Variants in TTC28 observed in about 807,000 individuals in gnomAD.
TTC28 encodes the protein tetratricopeptide repeat protein 28.
In TTC28, 61 loss-of-function variants were observed where a neutral mutation model predicts 198.0. That is an observed-to-expected ratio of 0.31 (90% confidence interval 0.25 to 0.38). The LOEUF (loss-of-function observed/expected upper bound fraction) is 0.38, where lower values mean the gene tolerates loss of function less well. Among genes scored for constraint, TTC28 ranks in the 10% least tolerant of loss-of-function variants. TTC28 has a pLI of 1.00. For missense variants in TTC28, 2,678 were observed against 3,164.0 expected, an observed-to-expected ratio of 0.85 and a Z score of 3.69; for synonymous variants, 1,171 against 1,297.8, an observed-to-expected ratio of 0.90 and a Z score of 2.10.
intron 2 of TTC28, among the ~76,000 whole-genome samples, chr22:28,353,558 C>G (rs546642747): frequency 2.0e-5 from 3 of 152,074 alleles, no homozygotes; most frequent in African/African-American, 7.2e-5. Context: ...GTCGACTGAT[C>G]GCTAAATTTT....
At chr22:28,051,145 G>T (rs568534468) in intron 12 of TTC28, among the ~76,000 whole-genome samples, 1 of 152,246 alleles carries the variant, frequency 6.6e-6, no homozygotes, top group South Asian at 2.1e-4. Context: ...TTAAAAGCTA[G>T]AAGTGACTTT....
intron 2 of TTC28, among the ~76,000 whole-genome samples, chr22:28,368,287 C>T (rs552109336): frequency 3.7e-4 from 56 of 151,756 alleles, no homozygotes; most frequent in Non-Finnish European, 5.0e-4. Context: ...GGAATGAAGG[C>T]CAAAATACAT....
At chr22:28,258,963 T>A (rs1931140992) in intron 5 of TTC28, among the ~76,000 whole-genome samples, 1 of 151,770 alleles carries the variant, frequency 6.6e-6, no homozygotes, top group Admixed American at 6.6e-5. Context: ...ACCCTGAGTA[T>A]ATATTCCAAA....
intron 12 of TTC28, among the ~76,000 whole-genome samples, chr22:28,082,494 A>T (rs1165755580): frequency 6.6e-6 from 1 of 152,198 alleles, no homozygotes; most frequent in African/African-American, 2.4e-5. Context: ...TTTCTGCATC[A>T]ACTCAAATGA....
At chr22:28,388,848 A>C (rs1252652125) in intron 2 of TTC28, among the ~76,000 whole-genome samples, 1 of 152,112 alleles carries the variant, frequency 6.6e-6, no homozygotes, top group African/African-American at 2.4e-5. Context: ...TCTCCTGCCT[A>C]ATTGCCCTGG....
intron 2 of TTC28, among the ~76,000 whole-genome samples, chr22:28,344,944 A>G (rs1291247833): frequency 6.6e-6 from 1 of 152,164 alleles, no homozygotes; most frequent in African/African-American, 2.4e-5. Context: ...AAGAATTACA[A>G]TTCATTATTT....
At chr22:28,368,002 C>T (rs950879172) in intron 2 of TTC28, among the ~76,000 whole-genome samples, 1 of 151,956 alleles carries the variant, frequency 6.6e-6, no homozygotes, top group African/African-American at 2.4e-5. Context: ...AGAACTAATA[C>T]CAAATCAAAC....
chr22:28,573,900 G>C (rs2050101738), intron 2 of TTC28, among the ~76,000 whole-genome samples: 3 of 151,626 alleles, frequency 2.0e-5, no homozygotes, highest in South Asian at 4.2e-4. Context: ...ATCTCTGTGA[G>C]TTCAATTGTT....
chr22:28,406,443 A>C (rs2046999128), intron 2 of TTC28, among the ~76,000 whole-genome samples: 3 of 152,212 alleles, frequency 2.0e-5, no homozygotes, highest in Admixed American at 2.0e-4. Flanking sequence ...TCAGGCTGAA[A>C]TCTATGCTTG....
chr22:28,642,399 G>A (rs547267396), intron 1 of TTC28, among the ~76,000 whole-genome samples: 1 of 147,236 alleles, frequency 6.8e-6, no homozygotes, highest in South Asian at 2.1e-4. Flanking sequence ...TAAACCCTGT[G>A]AATAGATAAT....
At chr22:28,280,657 C>A (rs772173856) in intron 5 of TTC28, among the ~76,000 whole-genome samples, 36 of 152,094 alleles carry the variant, frequency 2.4e-4, no homozygotes, top group Non-Finnish European at 2.5e-4. Context: ...TTTATATTTA[C>A]CAACATATTT....
intron 2 of TTC28, among the ~76,000 whole-genome samples, chr22:28,508,959 G>A (rs1466328884): frequency 6.6e-6 from 1 of 152,042 alleles, no homozygotes; most frequent in South Asian, 2.1e-4. Flanking sequence ...TGGGAGGCCA[G>A]GTGGGCAGAT....
chr22:28,333,856 T>A (rs1269674911), intron 2 of TTC28, among the ~76,000 whole-genome samples: 1 of 152,172 alleles, frequency 6.6e-6, no homozygotes, highest in East Asian at 1.9e-4. Context: ...CTTTATTTTT[T>A]ATTTTTTATT....
intron 5 of TTC28, among the ~76,000 whole-genome samples, chr22:28,177,763 A>G (rs545151583): frequency 1.1e-4 from 16 of 152,356 alleles, no homozygotes; most frequent in South Asian, 8.3e-4. Flanking sequence ...TAAAAAGGCA[A>G]CATATTGTAT....
At chr22:28,399,310 T>A (rs1363584184) in intron 2 of TTC28, among the ~76,000 whole-genome samples, 2 of 141,554 alleles carry the variant, frequency 1.4e-5, no homozygotes, top group African/African-American at 2.5e-5. Flanking sequence ...AAGTTGAGAC[T>A]AAAACTGTTT....
chr22:28,548,600 C>A (rs1482808114), intron 2 of TTC28, among the ~76,000 whole-genome samples: 2 of 152,182 alleles, frequency 1.3e-5, no homozygotes, highest in African/African-American at 4.8e-5. Flanking sequence ...AGCAAATAGC[C>A]GAGAGGCAGT....
At chr22:28,647,639 A>G (rs2051490876) in intron 1 of TTC28, among the ~76,000 whole-genome samples, 1 of 151,856 alleles carries the variant, frequency 6.6e-6, no homozygotes, top group Non-Finnish European at 1.5e-5. Flanking sequence ...GGAGATCGAG[A>G]CCATCCTGGC....
At position 28,679,667 on chromosome 22, in the gene TTC28, C is replaced by G. The variant is rs1381113823; in HGVS notation, c.57G>C (p.Arg19Ser). ...PEPTQGPTPA[R>S]SRRRREPESP... ...ACTCTGGCTCCCGCCGCCTTCGGCT[C>G]CTTGCGGGGGTCGGCCCTTGGGTCG... is the stretch of plus-strand genomic sequence containing the variant. The change falls in exon 1 of 23, where the codon AGG becomes AGC. Residue 19 changes from arginine to serine, a missense_variant. This residue lies in a region of TTC28 where 22 missense variants were observed against 55.0 expected (regional missense o/e 0.40). Transcript: ENST00000397906. 7.1e-7 allele frequency: 1 copy of G among 1,404,426 alleles called. No homozygotes were observed. 87.0% of individuals were successfully genotyped at this position (1,404,426 alleles called of 1,614,324 possible). A position where few individuals can be genotyped will look rare whatever the true frequency, so the allele number is the denominator to read the frequency against.
chr22:28,361,046 CCTT>C (rs1256568468), intron 2 of TTC28, among the ~76,000 whole-genome samples: 3 of 152,208 alleles, frequency 2.0e-5, no homozygotes, highest in East Asian at 1.9e-4. Context: ...TTGTCTCTCT[CCTT>C]CTTCTCAGGC....
Sources: gnomAD v4.1 joint callset for allele counts (sites outside exome capture counted in the v4.1 genomes callset) on GRCh38, gnomAD v4.1.1 for gene constraint, gnomAD v4.1.1 regional missense constraint, MANE v1.5 for transcripts, NCBI Gene and HGNC (gene_info 2026-07-23, HGNC 2026-07-21) for gene names.